GINS3: variants seen among roughly 807,000 people sequenced by gnomAD.
The protein encoded by GINS3 is GINS complex subunit 3.
In GINS3, 18 loss-of-function variants were observed where a neutral mutation model predicts 20.0. The ratio of observed to expected loss-of-function variants is 0.90; its 90% CI spans 0.62 to 1.33. GINS3 has a LOEUF of 1.33. GINS3 is among the 40% of genes most tolerant of loss of function. The pLI is 0.00. For missense variants in GINS3, 254 were observed against 273.6 expected (o/e 0.93, Z 0.51); for synonymous variants, 109 against 107.0 (o/e 1.02, Z -0.12).
At chr16:58,402,071 C>T (rs1405777848) in intron 1 of GINS3, among the ~76,000 whole-genome samples, 1 of 151,992 alleles carries the variant, frequency 6.6e-6, no homozygotes, top group Non-Finnish European at 1.5e-5. Context: ...CTCTTAGGCT[C>T]TTCTCTGTTT....
At chr16:58,396,296 G>A (rs1596955936) in intron 1 of GINS3, among the ~76,000 whole-genome samples, 1 of 131,696 alleles carries the variant, frequency 7.6e-6, no homozygotes, top group South Asian at 2.4e-4. Context: ...GGACGGGGCG[G>A]CTGGCCGGGC....
At chr16:58,401,085 T>C (rs1187898445) in intron 1 of GINS3, among the ~76,000 whole-genome samples, 2 of 151,976 alleles carry the variant, frequency 1.3e-5, no homozygotes, top group Admixed American at 1.3e-4. Flanking sequence ...AAATTATTGG[T>C]GTGTCTGGAA....
At position 58,403,237 on chromosome 16, in the gene GINS3, T is replaced by G. The variant is rs1965980999; in HGVS notation, c.326T>G (p.Leu109Arg). 6.2e-7 allele frequency: 1 copy of G among 1,614,128 alleles called. No individual in the cohort carries two copies. Among genetic ancestry groups the G allele is most frequent in the Non-Finnish European group, 8.5e-7 (1 of 1,180,002 alleles). ...VFSADPNVVD[L>R]HKMGPHFYGF... ...AGTGCAGATCCCAATGTGGTGGACC[T>G]CCACAAAATGGGGCCCCATTTCTAC... Residue 109 changes from leucine to arginine, a missense_variant, in exon 2 of 3, where the codon CTC becomes CGC. Coordinates refer to ENST00000318129, the MANE Select transcript of GINS3 (RefSeq NM_022770.4).
chr16:58,396,798 G>A (rs1191511111), intron 1 of GINS3, among the ~76,000 whole-genome samples: 1 of 137,456 alleles, frequency 7.3e-6, no homozygotes, highest in Non-Finnish European at 1.6e-5. Context: ...CAGGGCGGCT[G>A]GCCGGGCAGA....
intron 1 of GINS3, among the ~76,000 whole-genome samples, chr16:58,394,869 T>A (rs1965827955): frequency 6.6e-6 from 1 of 152,308 alleles, no homozygotes; most frequent in South Asian, 2.1e-4. Context: ...ATTATCACTG[T>A]CACACTGAAG....
At chr16:58,402,887 A>G in intron 1 of GINS3, 1 of 578,904 alleles carries the variant, frequency 1.7e-6, no homozygotes, top group East Asian at 2.8e-5. Context: ...TTTGTTGTAT[A>G]AATCCATTTT....
Position 58,404,836 on chromosome 16 carries a change from C to T in GINS3, c.*107C>T, listed in dbSNP as rs2151496153. The T allele has an allele frequency of 1.3e-6, 1 of 776,264 alleles. No individual in the cohort carries two copies. Among genetic ancestry groups the T allele is most frequent in the South Asian group, 1.7e-5 (1 of 58,030 alleles). 48.1% of individuals were successfully genotyped at this position (776,264 alleles called of 1,614,324 possible). On this transcript the variant is annotated 3_prime_UTR_variant, in exon 3 of 3. Coordinates refer to ENST00000318129, the MANE Select transcript of GINS3 (RefSeq NM_022770.4). Reference sequence around the variant, plus strand: ...ACCAGAATCCTGTCCCATTTCATGGCTTATTTCCTGTGGCCATAGAGAATT... The same window carrying T: ...ACCAGAATCCTGTCCCATTTCATGGTTTATTTCCTGTGGCCATAGAGAATT...
At chr16:58,396,954 G>T (rs569801195) in intron 1 of GINS3, among the ~76,000 whole-genome samples, 1 of 148,898 alleles carries the variant, frequency 6.7e-6, no homozygotes, top group Non-Finnish European at 1.5e-5. Flanking sequence ...TCACATCCCA[G>T]TAGGGGTGGC....
intron 1 of GINS3, among the ~76,000 whole-genome samples, chr16:58,393,280 C>T (rs1965807865): frequency 6.6e-6 from 1 of 152,160 alleles, no homozygotes; most frequent in African/African-American, 2.4e-5. Flanking sequence ...TTAGTGGCAG[C>T]ATGGTTGGGT....
In GINS3 at chr16:58,404,553, G is replaced by A. The variant is rs748865734; in HGVS notation, c.475G>A (p.Glu159Lys). 2.5e-5 allele frequency: 40 copies of A among 1,614,034 alleles called. No homozygotes were observed. In the Admixed American group the frequency reaches 6.3e-4, roughly 26 times the overall value. ...GGACTCCTCACAGAATGCTTACAAC[G>A]AAGACACTTCAGCCCTGGTAGCCAG... ...IMDSSQNAYN[E>K]DTSALVARLD... The change falls in exon 3 of 3, where the codon GAA becomes AAA. Residue 159 changes from glutamate to lysine, a missense_variant. Physicochemically the swap from Glu to Lys is moderately conservative, Grantham distance 56 (BLOSUM62 1). Transcript: ENST00000318129.
rs114487388 is a variant in GINS3 at position 58,404,476 on chromosome 16, T to C, written c.421-23T>C. The C allele has an allele frequency of 2.2e-3, 3,479 of 1,548,150 alleles. 76 individuals carry two copies. The African/African-American group carries it at 0.04, about 18-fold the overall frequency. On this transcript the variant is annotated intron_variant, in intron 2 of 2. Transcript: ENST00000318129. ...GTGGGGTGTGAGGTCAACCCTGACTTGTCTTACTCCCTTGTTTCCCAGACT... is the reference window on the plus strand; with the variant it reads ...GTGGGGTGTGAGGTCAACCCTGACTCGTCTTACTCCCTTGTTTCCCAGACT...
intron 1 of GINS3, among the ~76,000 whole-genome samples, chr16:58,396,862 C>T (rs1428593982): frequency 4.2e-5 from 6 of 141,264 alleles, no homozygotes; most frequent in South Asian, 2.3e-4. Flanking sequence ...CCTCACCTCC[C>T]GGACGGGGCG....
chr16:58,398,959 A>T (rs1478668827), intron 1 of GINS3, among the ~76,000 whole-genome samples: 2 of 152,084 alleles, frequency 1.3e-5, no homozygotes, highest in Admixed American at 1.3e-4. Flanking sequence ...TCATTTGTTA[A>T]TTGTTTTGTT....
In GINS3 at chr16:58,405,646, C is replaced by G. The variant is rs576583821; in HGVS notation, c.*917C>G. 18 of 151,726 alleles carry G rather than the reference C, an allele frequency of 1.2e-4. No individual in the cohort carries two copies. Among genetic ancestry groups the G allele is most frequent in the African/African-American group, 4.3e-4 (18 of 41,380 alleles). 9.4% of individuals were successfully genotyped at this position (151,726 alleles called of 1,614,324 possible). A position where few individuals can be genotyped will look rare whatever the true frequency, so the allele number is the denominator to read the frequency against. On this transcript the variant is annotated 3_prime_UTR_variant, in exon 3 of 3. Coordinates refer to ENST00000318129, the MANE Select transcript of GINS3 (RefSeq NM_022770.4). ...AAATGGGCAAGAAGCCTCCGTTGTG[C>G]TTTTTTTTTCCTCTTCAGTAACTTT...
At position 58,404,604 on chromosome 16, in the gene GINS3, T is replaced by C. The variant is rs1966003271; in HGVS notation, c.526T>C (p.Phe176Leu). The C allele has an allele frequency of 1.2e-6, 2 of 1,614,156 alleles. No homozygotes were observed. Among genetic ancestry groups the C allele is most frequent in the Non-Finnish European group, 1.7e-6 (2 of 1,180,022 alleles). Residue 176 changes from phenylalanine (F) to leucine (L), a missense_variant, in exon 3 of 3, where the codon TTT (phenylalanine) becomes CTT (leucine). By Grantham distance (22) the Phe-to-Leu change is conservative (BLOSUM62 0). Coordinates refer to ENST00000318129, the MANE Select transcript of GINS3 (RefSeq NM_022770.4). Reference protein sequence around the residue: ...ARLDEMERGLFQTGQKGLNDF... With the variant: ...ARLDEMERGLLQTGQKGLNDF... Reference sequence around the variant, plus strand: ...GCTAGACGAGATGGAGAGGGGCTTATTTCAAACAGGGCAGAAAGGACTGAA... The same window carrying C: ...GCTAGACGAGATGGAGAGGGGCTTACTTCAAACAGGGCAGAAAGGACTGAA...
rs1407607163 is a variant in GINS3, at chr16:58,406,086, C to CT, written c.*1358dup. 1 of 151,876 alleles carries CT rather than the reference C, an allele frequency of 6.6e-6. No homozygotes were observed. Among genetic ancestry groups the CT allele is most frequent in the Non-Finnish European group, 1.5e-5 (1 of 68,008 alleles). The allele number at this position is 151,876 out of a possible 1,614,324, so 9.4% of individuals were successfully genotyped here. A position where few individuals can be genotyped will look rare whatever the true frequency, so the allele number is the denominator to read the frequency against. On this transcript the variant is annotated 3_prime_UTR_variant, in exon 3 of 3. Coordinates refer to ENST00000318129, the MANE Select transcript of GINS3 (RefSeq NM_022770.4). ...TCACTAGTACTACAGATAATCAAAG[C>CT]TATCAGAATTGTGTCTTTGATCATA...
At chr16:58,403,523 T>A (rs1965986280) in intron 2 of GINS3, 192 bp downstream of exon 2, 7 of 515,870 alleles carry the variant, frequency 1.4e-5, no homozygotes, top group Admixed American at 3.7e-5. Context: ...ACACACACAT[T>A]TTTTTAATAT....
At position 58,405,906 on chromosome 16, in the gene GINS3, A is replaced by C. The variant is rs1334974486; in HGVS notation, c.*1177A>C. The stretch of plus-strand genomic sequence containing the variant: ...AGGGATTTGGGTATCCAGATTGTGC[A>C]GATGCAAACTTAGGCTGTCTTGATG... On this transcript the variant is annotated 3_prime_UTR_variant, in exon 3 of 3. Coordinates refer to ENST00000318129, the MANE Select transcript of GINS3 (RefSeq NM_022770.4). 6.6e-6 allele frequency: 1 copy of C among 152,224 alleles called. No homozygotes were observed. Among genetic ancestry groups the C allele is most frequent in the East Asian group, 1.9e-4 (1 of 5,202 alleles). 9.4% of individuals were successfully genotyped at this position (152,224 alleles called of 1,614,324 possible).
At chr16:58,402,824 TTA>T in intron 1 of GINS3, 1 of 498,810 alleles carries the variant, frequency 2.0e-6, no homozygotes, top group Non-Finnish European at 3.6e-6. Context: ...TGGACAATTT[TTA>T]TGTGTTAGTT....
Sources: gnomAD v4.1 joint callset for allele counts (sites outside exome capture counted in the v4.1 genomes callset) on GRCh38, gnomAD v4.1.1 for gene constraint, MANE v1.5 for transcripts, NCBI Gene and HGNC (gene_info 2026-07-23, HGNC 2026-07-21) for gene names.